IER5: variants seen among roughly 807,000 people sequenced by gnomAD.
IER5 encodes the protein immediate early response 5, also known as immediate early response gene 5 protein.
A neutral mutation model predicts 8.2 loss-of-function variants in IER5; 3 were observed. The observed-to-expected ratio is 0.36, with a 90% CI of 0.17 to 0.94. IER5 has a LOEUF of 0.94. Among genes scored for constraint, IER5 ranks in the 40% least tolerant of loss-of-function variants. The pLI is 0.43. For synonymous variants in IER5, 286 were observed against 230.1 expected (o/e 1.24, Z -2.20); for missense variants, 531 against 494.3 (o/e 1.07, Z -0.70).
In IER5 at chr1:181,089,385, C is replaced by G. The variant is rs1659410730; in HGVS notation, c.483C>G (p.Gly161=). The G allele has an allele frequency of 6.7e-7, 1 of 1,481,526 alleles. No homozygotes were observed. Among genetic ancestry groups the G allele is most frequent in the Non-Finnish European group, 9.0e-7 (1 of 1,114,090 alleles). The allele number at this position is 1,481,526 out of a possible 1,614,324, so 91.8% of individuals were successfully genotyped here. The part of the protein sequence containing the change: ...AAREAEGTAG[G]WGVFPEVSRA... ...GAGAAGCCGAGGGTACCGCCGGAGG[C>G]TGGGGCGTCTTCCCCGAGGTATCTC... Residue 161 remains glycine (G), a synonymous_variant, in exon 1 of 1, where the codon GGC becomes GGG. Coordinates refer to ENST00000367577, the MANE Select transcript of IER5 (RefSeq NM_016545.5).
rs1312371301 is a variant in IER5 at position 181,090,982 on chromosome 1, C to G, written c.*1096C>G. On this transcript the variant is annotated 3_prime_UTR_variant, in exon 1 of 1. Coordinates refer to ENST00000367577, the MANE Select transcript of IER5 (RefSeq NM_016545.5). The stretch of plus-strand genomic sequence containing the variant: ...CTGAGGACATTGTTTACTGACTCCA[C>G]TAAGTATCAAGAGAGACACGTTTAA... The G allele has an allele frequency of 6.6e-6, 1 of 152,138 alleles. No homozygotes were observed. The allele number at this position is 152,138 out of a possible 1,614,324, so 9.4% of individuals were successfully genotyped here. A position where few individuals can be genotyped will look rare whatever the true frequency, so the allele number is the denominator to read the frequency against.
chr1:181,089,399 C>T lies in IER5; in HGVS notation c.497C>T (p.Pro166Leu), dbSNP rs748076913. 1 of 1,461,862 alleles carries T rather than the reference C, an allele frequency of 6.8e-7. No homozygotes were observed. Among genetic ancestry groups the T allele is most frequent in the South Asian group, 1.3e-5 (1 of 76,066 alleles). 90.6% of individuals were successfully genotyped at this position (1,461,862 alleles called of 1,614,324 possible). The change falls in exon 1 of 1, where the codon CCC becomes CTC. Residue 166 changes from proline (P) to leucine (L), a missense_variant. Physicochemically the swap from Pro to Leu is moderately conservative, Grantham distance 98. Transcript: ENST00000367577. ...ACCGCCGGAGGCTGGGGCGTCTTCC[C>T]CGAGGTATCTCGTGCCGCGCGCCGC... is the stretch of plus-strand genomic sequence containing the variant. ...EGTAGGWGVFPEVSRAARRPC... is the reference protein window; with the variant it reads ...EGTAGGWGVFLEVSRAARRPC...
rs758300509 is a variant in IER5 at position 181,089,571 on chromosome 1, G to A, written c.669G>A (p.Gly223=). 4.5e-6 allele frequency: 7 copies of A among 1,539,874 alleles called. No homozygotes were observed. In the South Asian group the frequency reaches 7.1e-5, roughly 16 times the overall value. ...GCCCCAGGAAGCGCTGCGCGGCGGG[G>A]GTGGGCGGCGGCCCAGCGGGCTGCC... is the stretch of plus-strand genomic sequence containing the variant. ...AVCPRKRCAA[G]VGGGPAGCPA... is the part of the protein sequence containing the mutation. The change falls in exon 1 of 1, where the codon GGG becomes GGA. Residue 223 remains glycine (G), a synonymous_variant. Coordinates refer to ENST00000367577, the MANE Select transcript of IER5 (RefSeq NM_016545.5).
At position 181,090,231 on chromosome 1, in the gene IER5, G is replaced by C. The variant is rs564168441; in HGVS notation, c.*345G>C. 1 of 300,026 alleles carries C rather than the reference G, an allele frequency of 3.3e-6. No homozygotes were observed. Among genetic ancestry groups the C allele is most frequent in the Non-Finnish European group, 6.6e-6 (1 of 151,440 alleles). 18.6% of individuals were successfully genotyped at this position (300,026 alleles called of 1,614,324 possible). On this transcript the variant is annotated 3_prime_UTR_variant, in exon 1 of 1. Transcript: ENST00000367577. ...GGCAGACAGGGACTTTCCTCTGCCGGCTGCGTGGAGAAGGAAGCGGCTAAA... is the reference window on the plus strand; with the variant it reads ...GGCAGACAGGGACTTTCCTCTGCCGCCTGCGTGGAGAAGGAAGCGGCTAAA...
Position 181,089,578 on chromosome 1 carries a change from G to T in IER5, c.676G>T (p.Gly226Cys), listed in dbSNP as rs769061822. 4.6e-5 allele frequency: 72 copies of T among 1,550,566 alleles called. No individual in the cohort carries two copies. Among genetic ancestry groups the T allele is most frequent in the Non-Finnish European group, 6.0e-5 (69 of 1,148,506 alleles). Residue 226 changes from glycine to cysteine, a missense_variant, in exon 1 of 1, where the codon GGC becomes TGC. By Grantham distance (159) the Gly-to-Cys change is radical. Coordinates refer to ENST00000367577, the MANE Select transcript of IER5 (RefSeq NM_016545.5). The stretch of plus-strand genomic sequence containing the variant: ...GAAGCGCTGCGCGGCGGGGGTGGGC[G>T]GCGGCCCAGCGGGCTGCCCGGCGCC... ...PRKRCAAGVG[G>C]GPAGCPAPGS...
Position 181,090,807 on chromosome 1 carries a change from G to C in IER5, c.*921G>C, listed in dbSNP as rs964011526. 1 of 161,090 alleles carries C rather than the reference G, an allele frequency of 6.2e-6. No individual in the cohort carries two copies. The highest frequency in any genetic ancestry group is 1.5e-5 in the Non-Finnish European group (1 of 68,046). The allele number at this position is 161,090 out of a possible 1,614,324, so 10.0% of individuals were successfully genotyped here. A position where few individuals can be genotyped will look rare whatever the true frequency, so the allele number is the denominator to read the frequency against. The stretch of plus-strand genomic sequence containing the variant: ...TTTTGTATAAAAATGTAACTTCTAC[G>C]TGTCTAACACGTATTAAATATTTTG... On this transcript the variant is annotated 3_prime_UTR_variant, in exon 1 of 1. Transcript: ENST00000367577.
rs138453643 is a variant in IER5 at position 181,089,706 on chromosome 1, C to T, written c.804C>T (p.Asn268=). The T allele has an allele frequency of 1.4e-5, 22 of 1,613,698 alleles. No individual in the cohort carries two copies. The highest frequency in any genetic ancestry group is 1.8e-5 in the Non-Finnish European group (21 of 1,180,010). The change falls in exon 1 of 1, where the codon AAC becomes AAT. Residue 268 remains asparagine, a synonymous_variant. Transcript: ENST00000367577. ...AGATGGAGACCGGGAACGTGGCTAA[C>T]CTCATCAGCATCTTCGGTTCCAGTT... The part of the protein sequence containing the change: ...AEEMETGNVA[N]LISIFGSSFS...
rs1659389827 is a variant in IER5 at position 181,088,820 on chromosome 1, G to A, written c.-83G>A. The A allele has an allele frequency of 2.0e-6, 3 of 1,486,062 alleles. No homozygotes were observed. Among genetic ancestry groups the A allele is most frequent in the African/African-American group, 1.4e-5 (1 of 71,660 alleles). 92.1% of individuals were successfully genotyped at this position (1,486,062 alleles called of 1,614,324 possible). A position where few individuals can be genotyped will look rare whatever the true frequency, so the allele number is the denominator to read the frequency against. On this transcript the variant is annotated 5_prime_UTR_variant, in exon 1 of 1. Coordinates refer to ENST00000367577, the MANE Select transcript of IER5 (RefSeq NM_016545.5). ...TAGGTGATCGAGGGTGTGCCCAGGGGGCGGACTTGTTTGCGCCTCCCGTTC... is the reference window on the plus strand; with the variant it reads ...TAGGTGATCGAGGGTGTGCCCAGGGAGCGGACTTGTTTGCGCCTCCCGTTC...
In IER5 at chr1:181,091,352, A is replaced by G. The variant is rs1186793800; in HGVS notation, c.*1466A>G. 6.6e-6 allele frequency: 1 copy of G among 152,234 alleles called. No homozygotes were observed. Among genetic ancestry groups the G allele is most frequent in the African/African-American group, 2.4e-5 (1 of 41,466 alleles). The allele number at this position is 152,234 out of a possible 1,614,324, so 9.4% of individuals were successfully genotyped here. The stretch of plus-strand genomic sequence containing the variant: ...CTGACTTGTCCAAATTGTCAGGTCC[A>G]CCTCTGCATCACAGTGGATGTCAGG... On this transcript the variant is annotated 3_prime_UTR_variant, in exon 1 of 1. Coordinates refer to ENST00000367577, the MANE Select transcript of IER5 (RefSeq NM_016545.5).
chr1:181,089,942 GC>G lies in IER5; in HGVS notation c.*58del. 2 of 1,577,582 alleles carry G rather than the reference GC, an allele frequency of 1.3e-6. No individual in the cohort carries two copies. The highest frequency in any genetic ancestry group is 1.7e-6 in the Non-Finnish European group (2 of 1,165,706). ...AGCAGCGGGCGTCCCCGAAGTGAGGGCCAGGCCCTTCCCGGCTGCGAGGACG... is the reference window on the plus strand; with the variant it reads ...AGCAGCGGGCGTCCCCGAAGTGAGGGCAGGCCCTTCCCGGCTGCGAGGACG... On this transcript the variant is annotated 3_prime_UTR_variant, in exon 1 of 1. Transcript: ENST00000367577.
Position 181,092,721 on chromosome 1 carries a change from G to C in IER5, c.*2835G>C, listed in dbSNP as rs1659501661. On this transcript the variant is annotated 3_prime_UTR_variant, in exon 1 of 1. Coordinates refer to ENST00000367577, the MANE Select transcript of IER5 (RefSeq NM_016545.5). ...TTGGGATAATTGGATCTGTCTCATA[G>C]GGTTGTGAAAATTAATGAGTTAATG... 6.6e-6 allele frequency: 1 copy of C among 152,166 alleles called. No homozygotes were observed. Among genetic ancestry groups the C allele is most frequent in the African/African-American group, 2.4e-5 (1 of 41,426 alleles). 9.4% of individuals were successfully genotyped at this position (152,166 alleles called of 1,614,324 possible).
rs1442636589 is a variant in IER5 at position 181,091,379 on chromosome 1, T to G, written c.*1493T>G. ...CTCTGCATCACAGTGGATGTCAGGA[T>G]GTAAATTTTCAGTTTTTCTCTTACA... On this transcript the variant is annotated 3_prime_UTR_variant, in exon 1 of 1. Transcript: ENST00000367577. 6.6e-6 allele frequency: 1 copy of G among 152,234 alleles called. No homozygotes were observed. Among genetic ancestry groups the G allele is most frequent in the African/African-American group, 2.4e-5 (1 of 41,460 alleles). 9.4% of individuals were successfully genotyped at this position (152,234 alleles called of 1,614,324 possible).
Position 181,089,050 on chromosome 1 carries a change from G to C in IER5, c.148G>C (p.Asp50His). Residue 50 changes from aspartate (D) to histidine (H), a missense_variant, in exon 1 of 1, where the codon GAC becomes CAC. Coordinates refer to ENST00000367577, the MANE Select transcript of IER5 (RefSeq NM_016545.5). ...LRSARQVYLSDPCPGLYLAGP... is the reference protein window; with the variant it reads ...LRSARQVYLSHPCPGLYLAGP... ...CAGCGCCCGCCAAGTCTACCTGAGC[G>C]ACCCGTGCCCCGGCCTCTACCTGGC... 1 of 1,607,050 alleles carries C rather than the reference G, an allele frequency of 6.2e-7. No homozygotes were observed. The highest frequency in any genetic ancestry group is 8.5e-7 in the Non-Finnish European group (1 of 1,177,508).
chr1:181,089,212 C>A lies in IER5; in HGVS notation c.310C>A (p.Arg104Ser), dbSNP rs745396733. 2.0e-6 allele frequency: 3 copies of A among 1,538,108 alleles called. No individual in the cohort carries two copies. The Admixed American group carries it at 5.9e-5, about 30-fold the overall frequency. ...SWPETEPQPERSSVSDAPRVG... is the reference protein window; with the variant it reads ...SWPETEPQPESSSVSDAPRVG... ...GCCGGAGACCGAGCCGCAGCCGGAG[C>A]GCTCCTCCGTCTCAGACGCGCCGCG... Residue 104 changes from arginine to serine, a missense_variant, in exon 1 of 1, where the codon CGC (arginine) becomes AGC (serine). Coordinates refer to ENST00000367577, the MANE Select transcript of IER5 (RefSeq NM_016545.5).
Position 181,089,496 on chromosome 1 carries a change from C to T in IER5, c.594C>T (p.Cys198=), listed in dbSNP as rs1350637706. Residue 198 remains cysteine, a synonymous_variant, in exon 1 of 1, where the codon TGC becomes TGT. Coordinates refer to ENST00000367577, the MANE Select transcript of IER5 (RefSeq NM_016545.5). ...TPAATPRAAC[C]CAPQPAEDEP... ...CCGCGACCCCCCGCGCTGCCTGCTG[C>T]TGCGCGCCGCAACCAGCGGAGGACG... The T allele has an allele frequency of 1.5e-6, 2 of 1,324,708 alleles. No individual in the cohort carries two copies. The highest frequency in any genetic ancestry group is 2.1e-5 in the South Asian group (1 of 48,546). 82.1% of individuals were successfully genotyped at this position (1,324,708 alleles called of 1,614,324 possible). A position where few individuals can be genotyped will look rare whatever the true frequency, so the allele number is the denominator to read the frequency against.
Position 181,089,493 on chromosome 1 carries a change from C to G in IER5, c.591C>G (p.Cys197Trp). The change falls in exon 1 of 1, where the codon TGC becomes TGG. Residue 197 changes from cysteine (C) to tryptophan (W), a missense_variant. By Grantham distance (215) the Cys-to-Trp change is radical. Coordinates refer to ENST00000367577, the MANE Select transcript of IER5 (RefSeq NM_016545.5). ...GTPAATPRAA[C>W]CCAPQPAEDE... ...CGGCCGCGACCCCCCGCGCTGCCTGCTGCTGCGCGCCGCAACCAGCGGAGG... is the reference window on the plus strand; with the variant it reads ...CGGCCGCGACCCCCCGCGCTGCCTGGTGCTGCGCGCCGCAACCAGCGGAGG... 1 of 1,326,446 alleles carries G rather than the reference C, an allele frequency of 7.5e-7. No individual in the cohort carries two copies. Among genetic ancestry groups the G allele is most frequent in the Non-Finnish European group, 9.6e-7 (1 of 1,036,594 alleles). The allele number at this position is 1,326,446 out of a possible 1,614,324, so 82.2% of individuals were successfully genotyped here.
At position 181,089,771 on chromosome 1, in the gene IER5, A is replaced by G. The variant is rs749018280; in HGVS notation, c.869A>G (p.Glu290Gly). 26 of 1,612,892 alleles carry G rather than the reference A, an allele frequency of 1.6e-5. No homozygotes were observed. The highest frequency in any genetic ancestry group is 2.2e-5 in the East Asian group (1 of 44,878). Residue 290 changes from glutamate (E) to glycine (G), a missense_variant, in exon 1 of 1, where the codon GAG (glutamate) becomes GGG (glycine). Glu to Gly is a moderately conservative substitution (Grantham distance 98). Transcript: ENST00000367577. The stretch of plus-strand genomic sequence containing the variant: ...CGGAAAAGCCCCGGGGGCGGCAGAG[A>G]GGAAGAGGAGGGAGAGGAGAGCGGT... ...LLRKSPGGGR[E>G]EEEGEESGPE...
rs549996641 is a variant in IER5 at position 181,090,280 on chromosome 1, A to C, written c.*394A>C. The C allele has an allele frequency of 3.3e-5, 8 of 238,952 alleles. No individual in the cohort carries two copies. Among genetic ancestry groups the C allele is most frequent in the South Asian group, 2.7e-4 (5 of 18,800 alleles). The allele number at this position is 238,952 out of a possible 1,614,324, so 14.8% of individuals were successfully genotyped here. A position where few individuals can be genotyped will look rare whatever the true frequency, so the allele number is the denominator to read the frequency against. On this transcript the variant is annotated 3_prime_UTR_variant, in exon 1 of 1. Coordinates refer to ENST00000367577, the MANE Select transcript of IER5 (RefSeq NM_016545.5). The stretch of plus-strand genomic sequence containing the variant: ...AAAGGTTTGGGCCGGGGAGTTCCCC[A>C]TTCGTTCTCCGGGGAGGGAGGGACT...
Position 181,089,429 on chromosome 1 carries a change from G to A in IER5, c.527G>A (p.Cys176Tyr). 8 of 1,399,904 alleles carry A rather than the reference G, an allele frequency of 5.7e-6. No individual in the cohort carries two copies. Among genetic ancestry groups the A allele is most frequent in the Non-Finnish European group, 6.5e-6 (7 of 1,075,734 alleles). The allele number at this position is 1,399,904 out of a possible 1,614,324, so 86.7% of individuals were successfully genotyped here. The change falls in exon 1 of 1, where the codon TGC (cysteine) becomes TAC (tyrosine). Residue 176 changes from cysteine (C) to tyrosine (Y), a missense_variant. By Grantham distance (194) the Cys-to-Tyr change is radical (BLOSUM62 -2). Coordinates refer to ENST00000367577, the MANE Select transcript of IER5 (RefSeq NM_016545.5). ...GTATCTCGTGCCGCGCGCCGCCCCTGCGGCTGCCCCCTAGGCGGGGAGGAC... is the reference window on the plus strand; with the variant it reads ...GTATCTCGTGCCGCGCGCCGCCCCTACGGCTGCCCCCTAGGCGGGGAGGAC... ...PEVSRAARRP[C>Y]GCPLGGEDPP...
Sources: allele counts gnomAD v4.1 joint callset, GRCh38; gene constraint gnomAD v4.1.1; transcripts MANE v1.5; gene names NCBI Gene and HGNC (gene_info 2026-07-23, HGNC 2026-07-21).